ZNF385D: variants seen among roughly 807,000 people sequenced by gnomAD.
The protein encoded by ZNF385D is zinc finger protein 659.
Under a neutral mutation model 35.8 loss-of-function variants are expected in ZNF385D, and 15 were observed. The observed-to-expected ratio is 0.42, with a 90% CI of 0.28 to 0.64. The LOEUF (loss-of-function observed/expected upper bound fraction) is 0.64. Ranked by LOEUF, ZNF385D falls within the 30% of genes least tolerant of loss-of-function variation. The pLI is 0.23. For missense variants in ZNF385D, 474 were observed against 494.6 expected, an observed-to-expected ratio of 0.96 and a Z score of 0.39; for synonymous variants, 212 against 186.8, an observed-to-expected ratio of 1.13 and a Z score of -1.10.
intron 1 of ZNF385D, among the ~76,000 whole-genome samples, chr3:21,681,208 T>C (rs17009299): frequency 0.069 from 10,162 of 146,370 alleles, 473 homozygotes; most frequent in African/African-American, 0.12. Flanking sequence ...AACGTAGGAA[T>C]ATGGTAAGGT....
At chr3:21,711,235 G>T (rs2068096691) in intron 1 of ZNF385D, among the ~76,000 whole-genome samples, 2 of 151,438 alleles carry the variant, frequency 1.3e-5, no homozygotes, top group Admixed American at 1.3e-4. Flanking sequence ...TAGAGTCAGG[G>T]TTTCACCGTG....
intron 2 of ZNF385D, among the ~76,000 whole-genome samples, chr3:22,300,873 A>G (rs1397762145): frequency 6.6e-6 from 1 of 152,062 alleles, no homozygotes; most frequent in Non-Finnish European, 1.5e-5. Context: ...GAAAAACAGT[A>G]TGGAGTTTCC....
At chr3:21,882,642 T>G (rs1440365291) in intron 3 of ZNF385D, among the ~76,000 whole-genome samples, 1 of 152,000 alleles carries the variant, frequency 6.6e-6, no homozygotes, top group Non-Finnish European at 1.5e-5. Context: ...AATCAAAATT[T>G]GCATTTTAAC....
At chr3:21,757,813 C>T (rs116705382) in intron 3 of ZNF385D, among the ~76,000 whole-genome samples, 3,233 of 152,270 alleles carry the variant, frequency 0.021, 109 homozygotes, top group African/African-American at 0.072. Flanking sequence ...GCTTCTTTCT[C>T]CAACAACAGA....
At chr3:21,665,867 C>T (rs1309197070) in intron 1 of ZNF385D, among the ~76,000 whole-genome samples, 1 of 152,170 alleles carries the variant, frequency 6.6e-6, no homozygotes, top group Non-Finnish European at 1.5e-5. Context: ...TGGTAACATT[C>T]CAAAACATCA....
At chr3:22,371,505 G>T (rs1240120284) in intron 2 of ZNF385D, among the ~76,000 whole-genome samples, 2 of 152,098 alleles carry the variant, frequency 1.3e-5, no homozygotes, top group Non-Finnish European at 2.9e-5. Flanking sequence ...GACCAGCTCG[G>T]GCTAAAGCAC....
At chr3:22,123,946 CTCTCTCTCTCTCTCTCTATA>C (rs1302265403) in intron 3 of ZNF385D, among the ~76,000 whole-genome samples, 14 of 101,134 alleles carry the variant, frequency 1.4e-4, no homozygotes, top group Non-Finnish European at 2.5e-4. Context: ...CTCTCTCTCT[CTCTCTCTCTCTCTCTCTATA>C]TATATATATA....
At chr3:21,821,739 C>T (rs1694244737) in intron 3 of ZNF385D, among the ~76,000 whole-genome samples, 4 of 152,008 alleles carry the variant, frequency 2.6e-5, no homozygotes, top group Admixed American at 2.6e-4. Context: ...GGCAGGAGGA[C>T]CATGTCAGCT....
At chr3:22,099,898 C>A (rs578145764) in intron 3 of ZNF385D, among the ~76,000 whole-genome samples, 1 of 103,596 alleles carries the variant, frequency 9.7e-6, no homozygotes, top group Admixed American at 9.8e-5. Context: ...AACTGAGATC[C>A]TGGTAAAACC....
At chr3:21,913,373 T>C (rs544833354) in intron 3 of ZNF385D, among the ~76,000 whole-genome samples, 4 of 152,186 alleles carry the variant, frequency 2.6e-5, no homozygotes, top group South Asian at 4.1e-4. Flanking sequence ...ACAGAAAAAA[T>C]TGGCACATTC....
chr3:21,897,162 GT>G (rs1288687897), intron 3 of ZNF385D, among the ~76,000 whole-genome samples: 1 of 152,108 alleles, frequency 6.6e-6, no homozygotes, highest in Non-Finnish European at 1.5e-5. Flanking sequence ...GTTTGGAGGG[GT>G]TTTTTACTAC....
At chr3:21,566,210 C>T (rs140390505) in intron 2 of ZNF385D, among the ~76,000 whole-genome samples, 6 of 152,190 alleles carry the variant, frequency 3.9e-5, no homozygotes, top group African/African-American at 9.6e-5. Context: ...AACTCATGGG[C>T]GTAATCATTT....
intron 2 of ZNF385D, among the ~76,000 whole-genome samples, chr3:22,260,656 G>A (rs895536917): frequency 6.6e-6 from 1 of 151,878 alleles, no homozygotes; most frequent in East Asian, 2.0e-4. Flanking sequence ...CAAGTAAAAT[G>A]GACATAAATC....
At chr3:21,862,141 A>T (rs1448556958) in intron 3 of ZNF385D, among the ~76,000 whole-genome samples, 1 of 152,120 alleles carries the variant, frequency 6.6e-6, no homozygotes. Context: ...TGCTTATATG[A>T]TCACTTTTCC....
chr3:22,274,784 CT>C (rs59160644), intron 2 of ZNF385D, among the ~76,000 whole-genome samples: 15,251 of 145,774 alleles, frequency 0.1, 1,577 homozygotes, highest in African/African-American at 0.27. Flanking sequence ...GAAGTTAGTA[CT>C]TTTTTTTTTT....
chr3:22,042,981 A>C (rs548573063), intron 3 of ZNF385D, among the ~76,000 whole-genome samples: 55 of 152,270 alleles, frequency 3.6e-4, no homozygotes, highest in African/African-American at 1.3e-3. Context: ...TCATTTTTGA[A>C]TCTTATTAAC....
At chr3:22,072,031 T>C (rs1700253980) in intron 3 of ZNF385D, among the ~76,000 whole-genome samples, 2 of 152,150 alleles carry the variant, frequency 1.3e-5, no homozygotes, top group Non-Finnish European at 2.9e-5. Context: ...AGCAATAATT[T>C]ATACCTGTAA....
At chr3:21,908,164 A>ATCTATCTATCTC (rs1553696894) in intron 3 of ZNF385D, among the ~76,000 whole-genome samples, 79 of 148,820 alleles carry the variant, frequency 5.3e-4, no homozygotes, top group East Asian at 1.0e-3. Flanking sequence ...CTATCTATCT[A>ATCTATCTATCTC]TCTATCTATA....
intron 3 of ZNF385D, among the ~76,000 whole-genome samples, chr3:22,112,692 T>C (rs1215857124): frequency 1.3e-5 from 2 of 152,086 alleles, no homozygotes; most frequent in South Asian, 2.1e-4. Flanking sequence ...AAGGGTGATA[T>C]AGGGAGAAAG....
Sources: allele counts gnomAD v4.1 joint callset (sites outside exome capture counted in the v4.1 genomes callset), GRCh38; gene constraint gnomAD v4.1.1; transcripts MANE v1.5; gene names NCBI Gene and HGNC (gene_info 2026-07-23, HGNC 2026-07-21).